Variants in UBASH3B observed in about 807,000 individuals in gnomAD.
UBASH3B encodes the protein ubiquitin-associated and SH3 domain-containing protein B.
A neutral mutation model predicts 83.4 loss-of-function variants in UBASH3B; 37 were observed. That is an observed-to-expected ratio of 0.44 (90% confidence interval 0.34 to 0.58). UBASH3B has a LOEUF of 0.58. Ranked by LOEUF, UBASH3B falls within the 20% of genes least tolerant of loss-of-function variation. The pLI is 0.01. For synonymous variants in UBASH3B, 304 were observed against 318.3 expected (o/e 0.96, Z 0.48); for missense variants, 657 against 827.2 (o/e 0.79, Z 2.52).
chr11:122,726,919 A>T (rs1416321593), intron 1 of UBASH3B, among the ~76,000 whole-genome samples: 1 of 152,198 alleles, frequency 6.6e-6, no homozygotes, highest in Non-Finnish European at 1.5e-5. Flanking sequence ...AACCGTTTTG[A>T]GCTTTCTGGC....
intron 1 of UBASH3B, among the ~76,000 whole-genome samples, chr11:122,687,163 C>T (rs147589837): frequency 6.2e-4 from 95 of 152,250 alleles, no homozygotes; most frequent in African/African-American, 2.3e-3. Context: ...GTCACCGCAC[C>T]TGGGCAAATG....
intron 1 of UBASH3B, among the ~76,000 whole-genome samples, chr11:122,715,217 T>C (rs913574932): frequency 6.6e-6 from 1 of 152,218 alleles, no homozygotes; most frequent in Non-Finnish European, 1.5e-5. Flanking sequence ...AGTGCTGGGA[T>C]TACAGGCATG....
In UBASH3B at chr11:122,710,312, G is replaced by A. The variant is rs114924902; in HGVS notation, c.161+54102G>A. Reference sequence around the variant, plus strand: ...TTAGGAAAGGCATTTAGGAGGAGGCGAAAGAGCAAGTCCCGGAGCGGGCTG... The same window carrying A: ...TTAGGAAAGGCATTTAGGAGGAGGCAAAAGAGCAAGTCCCGGAGCGGGCTG... On this transcript the variant is annotated intron_variant, in intron 1 of 13. Transcript: ENST00000284273. 4.3e-3 allele frequency among the ~76,000 whole-genome samples: 650 copies of A among 152,280 alleles called. 4 individuals are homozygous for A. Among genetic ancestry groups the A allele is most frequent in the African/African-American group, 0.015 (616 of 41,550 alleles).
rs1317636147 is a variant in UBASH3B at position 122,759,409 on chromosome 11, TG to T, written c.162-16809del. 2.0e-5 allele frequency among the ~76,000 whole-genome samples: 3 copies of T among 152,172 alleles called. No individual in the cohort carries two copies. Among genetic ancestry groups the T allele is most frequent in the African/African-American group, 7.2e-5 (3 of 41,448 alleles). On this transcript the variant is annotated intron_variant, in intron 1 of 13. Coordinates refer to ENST00000284273, the MANE Select transcript of UBASH3B (RefSeq NM_032873.5). This position sits in a 1 kb window ranked among gnomAD's most constrained non-coding sequence, Gnocchi z 4.1. The stretch of plus-strand genomic sequence containing the variant: ...TTTTCCACTGACCCGGGTGGTGGTG[TG>T]ATGGTTTGGGGATGATTCAAGTGCA...
intron 1 of UBASH3B, among the ~76,000 whole-genome samples, chr11:122,744,196 A>G (rs2135962340): frequency 6.6e-6 from 1 of 152,308 alleles, no homozygotes. Context: ...AAATGTGAGT[A>G]CTGCCGCTTG....
At chr11:122,730,395 C>G (rs940269199) in intron 1 of UBASH3B, among the ~76,000 whole-genome samples, 2 of 152,130 alleles carry the variant, frequency 1.3e-5, no homozygotes, top group Non-Finnish European at 2.9e-5. Flanking sequence ...GCACAGTGGC[C>G]AACGTGAACT....
chr11:122,675,022 C>T (rs1863649859), intron 1 of UBASH3B, among the ~76,000 whole-genome samples: 1 of 152,204 alleles, frequency 6.6e-6, no homozygotes, highest in African/African-American at 2.4e-5. Context: ...AGCCACCGTG[C>T]CTGGCCTGCA....
At chr11:122,777,635 G>T (rs544190703) in intron 3 of UBASH3B, among the ~76,000 whole-genome samples, 1 of 151,594 alleles carries the variant, frequency 6.6e-6, no homozygotes, top group African/African-American at 2.4e-5. Flanking sequence ...TTTTTTTCCC[G>T]CTATATATTT....
intron 1 of UBASH3B, among the ~76,000 whole-genome samples, chr11:122,675,049 C>G (rs1171516996): frequency 6.6e-6 from 1 of 152,110 alleles, no homozygotes; most frequent in East Asian, 1.9e-4. Context: ...ATTAATAAAC[C>G]CATTTTACAG....
chr11:122,711,365 T>A (rs1004677023), intron 1 of UBASH3B, among the ~76,000 whole-genome samples: 4 of 152,234 alleles, frequency 2.6e-5, no homozygotes, highest in African/African-American at 9.6e-5. Context: ...CCATTTTTCT[T>A]TCGTCACTCT....
chr11:122,664,149 C>G (rs1490412561), intron 1 of UBASH3B, among the ~76,000 whole-genome samples: 1 of 152,182 alleles, frequency 6.6e-6, no homozygotes. Context: ...CTGCATTCTG[C>G]TCTCTGTGCT....
intron 1 of UBASH3B, among the ~76,000 whole-genome samples, chr11:122,681,513 G>A (rs1565527106): frequency 1.3e-5 from 2 of 152,170 alleles, no homozygotes; most frequent in African/African-American, 4.8e-5. Flanking sequence ...CACGTGTGTA[G>A]TAGGTCCTCG....
At chr11:122,742,679 C>T (rs996620893) in intron 1 of UBASH3B, among the ~76,000 whole-genome samples, 1 of 152,240 alleles carries the variant, frequency 6.6e-6, no homozygotes, top group Admixed American at 6.5e-5. Context: ...AGGGTTCCCT[C>T]TCAGCTGCCT....
At chr11:122,688,802 G>A (rs1423168290) in intron 1 of UBASH3B, among the ~76,000 whole-genome samples, 2 of 151,816 alleles carry the variant, frequency 1.3e-5, no homozygotes, top group African/African-American at 2.4e-5. Flanking sequence ...CCGCCACCAC[G>A]CCCGGCTAAT....
intron 1 of UBASH3B, among the ~76,000 whole-genome samples, chr11:122,720,455 G>C (rs1860604886): frequency 6.6e-6 from 1 of 152,192 alleles, no homozygotes; most frequent in African/African-American, 2.4e-5. Flanking sequence ...CATCAGAATA[G>C]TTGGAGATCC....
At chr11:122,781,395 C>G (rs916053958) in intron 4 of UBASH3B, among the ~76,000 whole-genome samples, 5 of 152,176 alleles carry the variant, frequency 3.3e-5, no homozygotes, top group Admixed American at 3.3e-4. Context: ...AAACTAATGT[C>G]AAAGCCGCAA....
intron 1 of UBASH3B, among the ~76,000 whole-genome samples, chr11:122,722,806 T>C (rs1451153970): frequency 6.6e-6 from 1 of 151,634 alleles, no homozygotes; most frequent in Non-Finnish European, 1.5e-5. Flanking sequence ...CCCAGGTGCA[T>C]GCCATTCTCC....
chr11:122,795,499 C>T (rs1001335364), intron 7 of UBASH3B, among the ~76,000 whole-genome samples: 1 of 152,198 alleles, frequency 6.6e-6, no homozygotes, highest in African/African-American at 2.4e-5. Flanking sequence ...AATGCAGAAA[C>T]AGCTGTAAGG....
At chr11:122,797,943 C>T (rs1330828726) in intron 9 of UBASH3B, among the ~76,000 whole-genome samples, 2 of 152,274 alleles carry the variant, frequency 1.3e-5, no homozygotes, top group Non-Finnish European at 2.9e-5. Context: ...TCATGGAAGA[C>T]CTTGGCCACC....
Sources: allele counts gnomAD v4.1 joint callset (sites outside exome capture counted in the v4.1 genomes callset), GRCh38; gene constraint gnomAD v4.1.1; non-coding constraint Gnocchi (gnomAD v3.1); transcripts MANE v1.5; gene names NCBI Gene and HGNC (gene_info 2026-07-23, HGNC 2026-07-21).